Variants in DLG2 observed in about 807,000 individuals in gnomAD.
DLG2 encodes discs large MAGUK scaffold protein 2.
In DLG2, 45 loss-of-function variants were observed where a neutral mutation model predicts 132.5. That is an observed-to-expected ratio of 0.34 (90% CI 0.27 to 0.44). The LOEUF is 0.44. Ranked by LOEUF, DLG2 falls within the 20% of genes least tolerant of loss-of-function variation. DLG2 has a pLI of 1.00. For missense variants in DLG2, 1,045 were observed against 1,196.9 expected, an observed-to-expected ratio of 0.87 and a Z score of 1.87; for synonymous variants, 424 against 419.6, an observed-to-expected ratio of 1.01 and a Z score of -0.13.
chr11:83,972,579 T>C (rs1375542177), intron 12 of DLG2, among the ~76,000 whole-genome samples: 1 of 152,118 alleles, frequency 6.6e-6, no homozygotes, highest in East Asian at 1.9e-4. Context: ...TATTCATCTC[T>C]ATTCCCCTAG....
At chr11:84,944,639 C>G (rs551040820) in intron 6 of DLG2, among the ~76,000 whole-genome samples, 2 of 145,158 alleles carry the variant, frequency 1.4e-5, no homozygotes, top group East Asian at 4.1e-4. Context: ...GAGTCTCACT[C>G]TGTTGTCCAG....
At chr11:84,274,177 A>G (rs961726179) in intron 7 of DLG2, among the ~76,000 whole-genome samples, 1 of 152,208 alleles carries the variant, frequency 6.6e-6, no homozygotes, top group Non-Finnish European at 1.5e-5. Context: ...AATTCCCTTC[A>G]CCAAGGACAG....
chr11:83,514,385 C>T (rs1311714369), intron 21 of DLG2, among the ~76,000 whole-genome samples: 1 of 152,084 alleles, frequency 6.6e-6, no homozygotes, highest in African/African-American at 2.4e-5. Context: ...ATTTTGTATC[C>T]TGAGACTTTG....
intron 7 of DLG2, among the ~76,000 whole-genome samples, chr11:84,447,838 C>T (rs138756428): frequency 6.6e-6 from 1 of 152,126 alleles, no homozygotes; most frequent in African/African-American, 2.4e-5. Context: ...AATTTTCTTA[C>T]AGCAGAAAAA....
chr11:84,956,135 G>C (rs532736973), intron 6 of DLG2, among the ~76,000 whole-genome samples: 119 of 152,262 alleles, frequency 7.8e-4, no homozygotes, highest in African/African-American at 2.9e-3. Context: ...AGTTCTTCCT[G>C]TTCTAACTGA....
chr11:83,643,867 C>G (rs1256320797), intron 18 of DLG2, among the ~76,000 whole-genome samples: 1 of 151,356 alleles, frequency 6.6e-6, no homozygotes, highest in Non-Finnish European at 1.5e-5. Flanking sequence ...TACATTGATT[C>G]TAGACTTTGT....
intron 6 of DLG2, among the ~76,000 whole-genome samples, chr11:84,893,205 G>C (rs879622057): frequency 6.6e-6 from 1 of 152,134 alleles, no homozygotes; most frequent in African/African-American, 2.4e-5. Context: ...CTCCTCATCA[G>C]GTGAGGAGCT....
chr11:83,863,813 T>C (rs2061837059), intron 16 of DLG2, among the ~76,000 whole-genome samples: 1 of 152,104 alleles, frequency 6.6e-6, no homozygotes, highest in Non-Finnish European at 1.5e-5. Context: ...CAAAAGGCCA[T>C]CTTCTTTAAA....
At chr11:85,350,865 T>A (rs1000964920) in intron 3 of DLG2, among the ~76,000 whole-genome samples, 36 of 152,232 alleles carry the variant, frequency 2.4e-4, no homozygotes, top group African/African-American at 8.7e-4. Context: ...TTTGTTCTTT[T>A]GGCTTAGGAT....
In DLG2 at chr11:83,515,312, C is replaced by T. The variant is rs1354995781; in HGVS notation, c.2193+17396G>A. Among the ~76,000 whole-genome samples the T allele has an allele frequency of 2.6e-5, 4 of 152,130 alleles. 1 individual carries two copies. The highest frequency in any genetic ancestry group is 7.2e-5 in the African/African-American group (3 of 41,434). ...TCTTCTAGATTTTCTAGTCTATTTG[C>T]GTAGAGGTGTTTATAGTATTCTCTG... On this transcript the variant is annotated intron_variant, in intron 21 of 27. Transcript: ENST00000376104.
At chr11:84,404,774 GGAAA>G (rs2154449043) in intron 7 of DLG2, among the ~76,000 whole-genome samples, 1 of 152,200 alleles carries the variant, frequency 6.6e-6, no homozygotes, top group East Asian at 1.9e-4. Flanking sequence ...AATGAAGGAA[GGAAA>G]GAATGTAGAA....
chr11:84,294,763 G>A (rs1332283146), intron 7 of DLG2, among the ~76,000 whole-genome samples: 1 of 152,060 alleles, frequency 6.6e-6, no homozygotes, highest in Non-Finnish European at 1.5e-5. Flanking sequence ...GGATAGAACT[G>A]CGGTAGCCAC....
intron 8 of DLG2, among the ~76,000 whole-genome samples, chr11:84,231,923 T>C (rs1388172106): frequency 6.6e-6 from 1 of 152,068 alleles, no homozygotes; most frequent in Non-Finnish European, 1.5e-5. Flanking sequence ...AAACATACTA[T>C]GTAAGGATTA....
intron 4 of DLG2, among the ~76,000 whole-genome samples, chr11:85,189,446 C>T (rs2080361688): frequency 6.6e-6 from 1 of 152,186 alleles, no homozygotes; most frequent in Non-Finnish European, 1.5e-5. Context: ...CACACGACAA[C>T]TTGAATGTAT....
chr11:85,595,904 A>G (rs963652063), intron 3 of DLG2, among the ~76,000 whole-genome samples: 2 of 152,172 alleles, frequency 1.3e-5, no homozygotes, highest in Non-Finnish European at 2.9e-5. Context: ...ACATGCTAGT[A>G]TTTTTTTAAG....
chr11:83,668,807 A>G (rs1330973451), intron 18 of DLG2, among the ~76,000 whole-genome samples: 1 of 83,294 alleles, frequency 1.2e-5, no homozygotes, highest in African/African-American at 7.3e-5. Context: ...ACACATATAT[A>G]TGTGTATATA....
intron 5 of DLG2, among the ~76,000 whole-genome samples, chr11:85,119,512 T>C (rs995524296): frequency 1.3e-5 from 2 of 151,994 alleles, no homozygotes; most frequent in Non-Finnish European, 2.9e-5. Flanking sequence ...AGTAATCAGA[T>C]GAGAAAAACG....
chr11:84,312,768 T>A (rs1387802247), intron 7 of DLG2, among the ~76,000 whole-genome samples: 1 of 152,176 alleles, frequency 6.6e-6, no homozygotes, highest in African/African-American at 2.4e-5. Flanking sequence ...AGGAGAGATA[T>A]CTACTTTCTT....
At chr11:84,541,803 C>G (rs1216368168) in intron 6 of DLG2, among the ~76,000 whole-genome samples, 1 of 152,110 alleles carries the variant, frequency 6.6e-6, no homozygotes, top group Non-Finnish European at 1.5e-5. Flanking sequence ...CATTTTCTAC[C>G]ACAGTCCCCC....
Sources: allele counts gnomAD v4.1 joint callset (sites outside exome capture counted in the v4.1 genomes callset), GRCh38; gene constraint gnomAD v4.1.1; transcripts MANE v1.5; gene names NCBI Gene and HGNC (gene_info 2026-07-23, HGNC 2026-07-21).